The following SUSD4 variants were observed in gnomAD, a reference collection of about 807,000 sequenced individuals.
The protein encoded by SUSD4 is sushi domain containing 4.
SUSD4 carries 41 observed loss-of-function variants against 50.5 expected under a neutral mutation model. That is an observed-to-expected ratio of 0.81 (90% CI 0.63 to 1.05). SUSD4 has a LOEUF of 1.05. Among genes scored for constraint, SUSD4 ranks in the 50% least tolerant of loss-of-function variants. The probability of loss-of-function intolerance (pLI) is 0.00; values close to 1 mark genes in which losing one functional copy is unlikely to be tolerated. For synonymous variants in SUSD4, 257 were observed against 257.3 expected (o/e 1.00, Z 0.01); for missense variants, 580 against 634.7 (o/e 0.91, Z 0.93).
At chr1:223,349,687 G>A (rs1313194438) in intron 2 of SUSD4, among the ~76,000 whole-genome samples, 4 of 152,154 alleles carry the variant, frequency 2.6e-5, no homozygotes, top group Non-Finnish European at 5.9e-5. Context: ...CTTTGCTCAT[G>A]TTCTTTCCCC....
intron 2 of SUSD4, among the ~76,000 whole-genome samples, chr1:223,299,048 T>C (rs940679339): frequency 6.6e-6 from 1 of 152,236 alleles, no homozygotes; most frequent in Non-Finnish European, 1.5e-5. Context: ...CTTGGACAAC[T>C]AATTCCATTG....
chr1:223,346,330 A>G (rs758392455), intron 2 of SUSD4, among the ~76,000 whole-genome samples: 43 of 152,292 alleles, frequency 2.8e-4, no homozygotes, highest in Non-Finnish European at 6.3e-4. Context: ...TAAGAAGAAA[A>G]TAGTTTTCAA....
chr1:223,237,119 G>A (rs886748183), intron 5 of SUSD4, among the ~76,000 whole-genome samples: 4 of 151,944 alleles, frequency 2.6e-5, no homozygotes, highest in African/African-American at 7.2e-5. Flanking sequence ...AATGTAAATC[G>A]TATTGTGTTT....
At chr1:223,281,504 C>G (rs1389696297) in intron 3 of SUSD4, among the ~76,000 whole-genome samples, 1 of 152,178 alleles carries the variant, frequency 6.6e-6, no homozygotes, top group Non-Finnish European at 1.5e-5. Flanking sequence ...TGGATAAATT[C>G]CTCGACACAT....
chr1:223,361,126 A>C (rs1375849795), intron 2 of SUSD4, among the ~76,000 whole-genome samples: 1 of 152,220 alleles, frequency 6.6e-6, no homozygotes, highest in African/African-American at 2.4e-5. Flanking sequence ...TATGCACATT[A>C]AAGTTTTAGA....
chr1:223,284,092 GA>G (rs1162545384), intron 3 of SUSD4, among the ~76,000 whole-genome samples: 2,338 of 48,972 alleles, frequency 0.048, 70 homozygotes, highest in East Asian at 0.32. Context: ...GGGATAGGGG[GA>G]GGGGGGAGGG....
intron 5 of SUSD4, chr1:223,264,164 G>A (rs763332688): frequency 6.2e-5 from 61 of 985,298 alleles, no homozygotes; most frequent in Non-Finnish European, 7.0e-5. Context: ...TAAAAACAGG[G>A]AGGAAAGAGC....
At chr1:223,290,894 C>T (rs1278810701) in intron 3 of SUSD4, among the ~76,000 whole-genome samples, 1 of 152,026 alleles carries the variant, frequency 6.6e-6, no homozygotes, top group East Asian at 1.9e-4. Flanking sequence ...CTAAGCCTGA[C>T]TGTTTTTAAA....
chr1:223,230,066 C>T (rs1209580445), intron 5 of SUSD4, among the ~76,000 whole-genome samples: 1 of 152,196 alleles, frequency 6.6e-6, no homozygotes, highest in African/African-American at 2.4e-5. Context: ...CAAATGGAAG[C>T]TTATTCTACC....
intron 2 of SUSD4, among the ~76,000 whole-genome samples, chr1:223,334,126 AAAG>A (rs1317454608): frequency 6.6e-6 from 1 of 152,186 alleles, no homozygotes; most frequent in Non-Finnish European, 1.5e-5. Context: ...AACAATATAG[AAAG>A]AAAATACTAT....
intron 2 of SUSD4, among the ~76,000 whole-genome samples, chr1:223,314,122 C>T (rs1464740790): frequency 6.6e-6 from 1 of 152,168 alleles, no homozygotes; most frequent in Non-Finnish European, 1.5e-5. Context: ...CAAATTCTTT[C>T]TTGTGTAAGA....
intron 2 of SUSD4, among the ~76,000 whole-genome samples, chr1:223,306,589 T>C (rs1403977936): frequency 6.6e-6 from 1 of 152,196 alleles, no homozygotes; most frequent in Non-Finnish European, 1.5e-5. Context: ...CCTCCTAGGC[T>C]CAAGCGATCC....
Position 223,223,535 on chromosome 1 carries a change from G to A in SUSD4, c.1158C>T (p.Gly386=), listed in dbSNP as rs576161942. 2 of 1,612,592 alleles carry A rather than the reference G, an allele frequency of 1.2e-6. No individual in the cohort carries two copies. The highest frequency in any genetic ancestry group is 1.7e-5 in the Admixed American group (1 of 59,890). ...LPSYDEAVSG[G]LSALGPGYMA... ...TGTACCCGGGGCCTAAGGCACTCAA[G>A]CCGCCACTCACAGCTTCGTCATAGG... The change falls in exon 8 of 9, where the codon GGC becomes GGT. Residue 386 remains glycine, a synonymous_variant. Coordinates refer to ENST00000366878, the MANE Select transcript of SUSD4 (RefSeq NM_017982.4).
intron 4 of SUSD4, among the ~76,000 whole-genome samples, chr1:223,267,939 C>G (rs572185011): frequency 1.4e-5 from 2 of 147,002 alleles, no homozygotes; most frequent in East Asian, 2.1e-4. Flanking sequence ...TAAAAAAATG[C>G]AAGGGAATAA....
rs542346477 is a variant in SUSD4 at position 223,350,609 on chromosome 1, T to C, written c.148+12669A>G. On this transcript the variant is annotated intron_variant, in intron 2 of 8. Transcript: ENST00000366878. ...GAAAGGACAGAGCATTTAGAAATAA[T>C]AAAACCCTTGGCTCAATGATGTCCT... Among the ~76,000 whole-genome samples the C allele has an allele frequency of 4.6e-5, 7 of 152,346 alleles. No homozygotes were observed. The South Asian group carries it at 1.4e-3, about 32-fold the overall frequency.
chr1:223,265,078 C>G (rs147353406), intron 4 of SUSD4, among the ~76,000 whole-genome samples: 3 of 152,328 alleles, frequency 2.0e-5, no homozygotes. Context: ...TGGTGAATGT[C>G]TGACTGTGGA....
At chr1:223,267,072 C>G (rs372864479) in intron 4 of SUSD4, among the ~76,000 whole-genome samples, 1 of 152,280 alleles carries the variant, frequency 6.6e-6, no homozygotes, top group African/African-American at 2.4e-5. Flanking sequence ...AACCGACTGG[C>G]TCTGTTGTTG....
chr1:223,277,739 G>T (rs61837638), intron 3 of SUSD4, among the ~76,000 whole-genome samples: 42,623 of 152,120 alleles, frequency 0.28, 7,407 homozygotes, highest in Non-Finnish European at 0.4. Flanking sequence ...CTTTCCTGCT[G>T]TGTGACTTCT....
intron 2 of SUSD4, among the ~76,000 whole-genome samples, chr1:223,331,661 C>T (rs1667181609): frequency 6.6e-6 from 1 of 152,178 alleles, no homozygotes; most frequent in Admixed American, 6.5e-5. Context: ...AGCAACTTGC[C>T]TGACAAACTC....
Sources: gnomAD v4.1 joint callset for allele counts (sites outside exome capture counted in the v4.1 genomes callset) on GRCh38, gnomAD v4.1.1 for gene constraint, MANE v1.5 for transcripts, NCBI Gene and HGNC (gene_info 2026-07-23, HGNC 2026-07-21) for gene names.